Variants in BMP6 observed in about 807,000 individuals in gnomAD.
BMP6 encodes the protein VG-1-R.
BMP6 carries 17 observed loss-of-function variants against 54.1 expected under a neutral mutation model. The observed-to-expected ratio is 0.31, with a 90% CI of 0.22 to 0.47. The LOEUF (loss-of-function observed/expected upper bound fraction) is 0.47, where lower values mean the gene tolerates loss of function less well. Ranked by LOEUF, BMP6 falls within the 20% of genes least tolerant of loss-of-function variation. BMP6 has a pLI of 1.00. For missense variants in BMP6, 720 were observed against 690.4 expected (o/e 1.04, Z -0.48); for synonymous variants, 328 against 291.2 (o/e 1.13, Z -1.28).
At chr6:7,828,146 G>A (rs1758730379) in intron 1 of BMP6, among the ~76,000 whole-genome samples, 2 of 152,174 alleles carry the variant, frequency 1.3e-5, no homozygotes, top group African/African-American at 4.8e-5. Flanking sequence ...TGGTCATTTA[G>A]GAAGCATTGC....
intron 4 of BMP6, among the ~76,000 whole-genome samples, chr6:7,868,164 A>C (rs1759455613): frequency 6.6e-6 from 1 of 152,196 alleles, no homozygotes; most frequent in Non-Finnish European, 1.5e-5. Flanking sequence ...CAAAGGCTGA[A>C]AAGAGACCAA....
intron 1 of BMP6, among the ~76,000 whole-genome samples, chr6:7,762,108 A>ACC (rs1757622269): frequency 3.9e-5 from 6 of 151,998 alleles, no homozygotes; most frequent in Admixed American, 3.9e-4. Flanking sequence ...TTTTAGTAGA[A>ACC]ATGGGGTTTC....
At chr6:7,741,476 T>C (rs943092582) in intron 1 of BMP6, among the ~76,000 whole-genome samples, 45 of 136,354 alleles carry the variant, frequency 3.3e-4, no homozygotes, top group Non-Finnish European at 6.9e-4. Flanking sequence ...TTTTAATTTT[T>C]TGTAGAGATG....
chr6:7,842,113 C>T (rs1758980884), intron 1 of BMP6, among the ~76,000 whole-genome samples: 1 of 152,114 alleles, frequency 6.6e-6, no homozygotes, highest in African/African-American at 2.4e-5. Context: ...CCCCCTTTCC[C>T]TTGTTGTGTT....
chr6:7,863,573 G>C (rs761655420), intron 4 of BMP6, among the ~76,000 whole-genome samples: 19 of 152,136 alleles, frequency 1.2e-4, no homozygotes, highest in Admixed American at 3.3e-4. Context: ...CTGCTGGGTG[G>C]GGAGTGCTCT....
intron 1 of BMP6, among the ~76,000 whole-genome samples, chr6:7,813,045 T>C (rs568225416): frequency 9.4e-4 from 118 of 124,944 alleles, no homozygotes; most frequent in African/African-American, 3.6e-3. Context: ...GAGGCAGGTA[T>C]TCAAGATCAG....
Position 7,816,405 on chromosome 6 carries a change from A to G in BMP6, c.665-28735A>G, listed in dbSNP as rs115386817. On this transcript the variant is annotated intron_variant, in intron 1 of 6. Coordinates refer to ENST00000283147, the MANE Select transcript of BMP6 (RefSeq NM_001718.6). Reference sequence around the variant, plus strand: ...AAACTCTTCAAGGTCATGCTCATTGATAAGTGGTAGAGCTGGAATTTAAAC... The same window carrying G: ...AAACTCTTCAAGGTCATGCTCATTGGTAAGTGGTAGAGCTGGAATTTAAAC... Among the ~76,000 whole-genome samples, 705 of 152,342 alleles carry G rather than the reference A, an allele frequency of 4.6e-3. 10 individuals are homozygous for G. The highest frequency in any genetic ancestry group is 0.016 in the African/African-American group (667 of 41,576).
At chr6:7,760,801 T>C (rs1364137443) in intron 1 of BMP6, among the ~76,000 whole-genome samples, 1 of 152,232 alleles carries the variant, frequency 6.6e-6, no homozygotes, top group African/African-American at 2.4e-5. Context: ...AAAGTAGATG[T>C]CTGGTGAATA....
At chr6:7,728,675 T>A (rs2113098608) in intron 1 of BMP6, among the ~76,000 whole-genome samples, 1 of 152,234 alleles carries the variant, frequency 6.6e-6, no homozygotes, top group East Asian at 1.9e-4. Flanking sequence ...GGACAGATCA[T>A]GGGTGCACTG....
At chr6:7,831,039 G>A (rs1439625727) in intron 1 of BMP6, among the ~76,000 whole-genome samples, 4 of 152,192 alleles carry the variant, frequency 2.6e-5, no homozygotes, top group Non-Finnish European at 5.9e-5. Context: ...GCCAAAAGGT[G>A]GAAAGAGTCC....
chr6:7,733,425 C>T (rs542664137), intron 1 of BMP6, among the ~76,000 whole-genome samples: 2 of 152,168 alleles, frequency 1.3e-5, no homozygotes, highest in African/African-American at 4.8e-5. Flanking sequence ...TAGAAATCAC[C>T]GCAGAAACTC....
intron 4 of BMP6, among the ~76,000 whole-genome samples, chr6:7,876,277 T>A (rs536616824): frequency 2.0e-5 from 3 of 152,310 alleles, no homozygotes; most frequent in East Asian, 1.9e-4. Context: ...TATCTCTGGA[T>A]TACTTTTAAG....
At chr6:7,778,704 G>C (rs771550220) in intron 1 of BMP6, among the ~76,000 whole-genome samples, 1 of 152,206 alleles carries the variant, frequency 6.6e-6, no homozygotes, top group Non-Finnish European at 1.5e-5. Flanking sequence ...CACCTTCACT[G>C]TTTTTGCTGG....
At chr6:7,826,707 A>C (rs1406348310) in intron 1 of BMP6, among the ~76,000 whole-genome samples, 1 of 152,176 alleles carries the variant, frequency 6.6e-6, no homozygotes, top group Non-Finnish European at 1.5e-5. Context: ...AGGAAGAGCA[A>C]AAGGCAGAGC....
intron 1 of BMP6, among the ~76,000 whole-genome samples, chr6:7,842,466 CA>C (rs2113251207): frequency 6.6e-6 from 1 of 152,150 alleles, no homozygotes; most frequent in African/African-American, 2.4e-5. Context: ...TTCCTCACAA[CA>C]TGGAAGTTTC....
chr6:7,838,799 T>A (rs1041559484), intron 1 of BMP6, among the ~76,000 whole-genome samples: 1 of 151,872 alleles, frequency 6.6e-6, no homozygotes, highest in Non-Finnish European at 1.5e-5. Context: ...AAAATTAGCC[T>A]GGCGTGGTGG....
chr6:7,871,294 C>T (rs3799537), intron 4 of BMP6, among the ~76,000 whole-genome samples: 12,127 of 152,200 alleles, frequency 0.08, 651 homozygotes, highest in East Asian at 0.12. Flanking sequence ...GGTTTCCCTG[C>T]GGAAGCAGTT....
intron 1 of BMP6, among the ~76,000 whole-genome samples, chr6:7,766,067 C>CT: frequency 6.6e-6 from 1 of 152,120 alleles, no homozygotes; most frequent in Non-Finnish European, 1.5e-5. Flanking sequence ...ATGAGGACAT[C>CT]TTTTTTTGAG....
intron 1 of BMP6, among the ~76,000 whole-genome samples, chr6:7,788,568 T>C (rs2113179195): frequency 6.6e-6 from 1 of 152,172 alleles, no homozygotes; most frequent in East Asian, 1.9e-4. Flanking sequence ...ATCCTATGAA[T>C]TGTAACACTG....
Sources: gnomAD v4.1 joint callset for allele counts (sites outside exome capture counted in the v4.1 genomes callset) on GRCh38, gnomAD v4.1.1 for gene constraint, MANE v1.5 for transcripts, NCBI Gene and HGNC (gene_info 2026-07-23, HGNC 2026-07-21) for gene names.